DDX60L: variants seen among roughly 807,000 people sequenced by gnomAD.
DDX60L encodes the protein probable ATP-dependent RNA helicase DDX60-like.
DDX60L carries 191 observed loss-of-function variants against 211.6 expected under a neutral mutation model. The ratio of observed to expected loss-of-function variants is 0.90; its 90% CI spans 0.80 to 1.02. The LOEUF (loss-of-function observed/expected upper bound fraction) is 1.02, where lower values mean the gene tolerates loss of function less well. Ranked by LOEUF, DDX60L falls within the 50% of genes least tolerant of loss-of-function variation. The pLI, the probability that DDX60L is intolerant of heterozygous loss-of-function variation, is 0.00. For missense variants in DDX60L, 2,007 were observed against 1,984.1 expected (o/e 1.01, Z -0.22); for synonymous variants, 706 against 694.1 (o/e 1.02, Z -0.27).
intron 26 of DDX60L, among the ~76,000 whole-genome samples, chr4:168,396,342 C>T (rs897333489): frequency 2.6e-5 from 4 of 152,036 alleles, no homozygotes; most frequent in African/African-American, 9.7e-5. Context: ...TCTTCATTTT[C>T]TCTGCATAAT....
intron 32 of DDX60L, 39 bp downstream of exon 32, chr4:168,379,324 T>G (rs144816937): frequency 5.4e-6 from 8 of 1,479,186 alleles, no homozygotes; most frequent in Non-Finnish European, 7.2e-6. Flanking sequence ...AATAAATATG[T>G]TGCCATTTTT....
At chr4:168,448,867 GGAC>G in intron 8 of DDX60L, 88 bp from the exon 9 acceptor site, 1 of 1,169,926 alleles carries the variant, frequency 8.5e-7, no homozygotes, top group Non-Finnish European at 1.2e-6. Context: ...AGGTCACAAG[GGAC>G]ATTTCTGGGT....
At chr4:168,403,587 T>A (rs1747213199) in intron 25 of DDX60L, among the ~76,000 whole-genome samples, 1 of 152,194 alleles carries the variant, frequency 6.6e-6, no homozygotes, top group Non-Finnish European at 1.5e-5. Context: ...CTTAGTTTTC[T>A]TAGCTATAAA....
chr4:168,421,757 T>C lies in DDX60L; in HGVS notation c.2394+3A>G. On this transcript the variant is annotated splice_donor_region_variant and intron_variant, in intron 17 of 37. Transcript: ENST00000682922. The stretch of plus-strand genomic sequence containing the variant: ...GCAAAAATGAAAGTCATTCAAACAC[T>C]ACCTTTGCGGGTGCAACGTACACAA... 1 of 1,613,922 alleles carries C rather than the reference T, an allele frequency of 6.2e-7. No homozygotes were observed. The highest frequency in any genetic ancestry group is 8.5e-7 in the Non-Finnish European group (1 of 1,179,900).
At chr4:168,473,583 C>T (rs1329759062) in intron 1 of DDX60L, among the ~76,000 whole-genome samples, 1 of 152,072 alleles carries the variant, frequency 6.6e-6, no homozygotes, top group Non-Finnish European at 1.5e-5. Context: ...GGAGGATGGA[C>T]GATGGGGCTT....
intron 1 of DDX60L, among the ~76,000 whole-genome samples, chr4:168,474,490 G>A (rs1759225394): frequency 6.6e-6 from 1 of 152,026 alleles, no homozygotes; most frequent in Non-Finnish European, 1.5e-5. Flanking sequence ...TTAGAAGTCA[G>A]AAGAGAACTT....
At position 168,366,582 on chromosome 4, in the gene DDX60L, A is replaced by G. The variant is rs550244356; in HGVS notation, c.4928+5030T>C. Among the ~76,000 whole-genome samples the G allele has an allele frequency of 3.3e-5, 5 of 151,776 alleles. No individual in the cohort carries two copies. The East Asian group carries it at 9.7e-4, about 29-fold the overall frequency. ...CAAAATGATCTATAAATTTAATACA[A>G]TCTCCATTAAAATACCAATGACATT... is the stretch of plus-strand genomic sequence containing the variant. On this transcript the variant is annotated intron_variant, in intron 36 of 37. Coordinates refer to ENST00000682922, the MANE Select transcript of DDX60L (RefSeq NM_001012967.3).
Position 168,464,374 on chromosome 4 carries a change from C to T in DDX60L, c.265-2334G>A, listed in dbSNP as rs1256004740. On this transcript the variant is annotated intron_variant, in intron 4 of 37. Coordinates refer to ENST00000682922, the MANE Select transcript of DDX60L (RefSeq NM_001012967.3). Reference sequence around the variant, plus strand: ...AAATCAATAACACATCTAGAAAAAACAAGAATTTATACATTAAAACAATAG... The same window carrying T: ...AAATCAATAACACATCTAGAAAAAATAAGAATTTATACATTAAAACAATAG... Among the ~76,000 whole-genome samples, 7 of 150,484 alleles carry T rather than the reference C, an allele frequency of 4.7e-5. 2 individuals carry two copies. The highest frequency in any genetic ancestry group is 4.6e-4 in the Admixed American group (7 of 15,108).
intron 29 of DDX60L, among the ~76,000 whole-genome samples, chr4:168,391,094 A>T (rs1744732989): frequency 6.6e-6 from 1 of 152,192 alleles, no homozygotes; most frequent in South Asian, 2.1e-4. Context: ...AACCTACCTA[A>T]TTTAAATGAC....
intron 14 of DDX60L, among the ~76,000 whole-genome samples, chr4:168,424,678 C>T (rs969794088): frequency 1.3e-5 from 2 of 152,040 alleles, no homozygotes; most frequent in East Asian, 1.9e-4. Flanking sequence ...GAGGACTCCA[C>T]AAGAGGATGG....
At position 168,420,674 on chromosome 4, in the gene DDX60L, TAGATAGATAGACAGACAGAC is replaced by T. The variant is rs1374662342; in HGVS notation, c.2395-314_2395-295del. ...ATAGATAGATAGATAGATAGATAGATAGATAGATAGACAGACAGACAGACAGACAGATATTACATATCATG... is the reference window on the plus strand; with the variant it reads ...ATAGATAGATAGATAGATAGATAGATAGACAGACAGATATTACATATCATG... On this transcript the variant is annotated intron_variant, in intron 17 of 37. Coordinates refer to ENST00000682922, the MANE Select transcript of DDX60L (RefSeq NM_001012967.3). Among the ~76,000 whole-genome samples, 277 of 135,580 alleles carry T rather than the reference TAGATAGATAGACAGACAGAC, an allele frequency of 2.0e-3. 1 individual carries two copies. Among genetic ancestry groups the T allele is most frequent in the African/African-American group, 3.1e-3 (112 of 35,560 alleles). The allele number at this position is 135,580 out of a possible 152,430, so 88.9% of individuals were successfully genotyped here. A position where few individuals can be genotyped will look rare whatever the true frequency, so the allele number is the denominator to read the frequency against.
intron 4 of DDX60L, among the ~76,000 whole-genome samples, chr4:168,468,068 G>A (rs1758254682): frequency 1.3e-5 from 2 of 152,170 alleles, no homozygotes; most frequent in Admixed American, 6.5e-5. Context: ...ACAGGAGGCT[G>A]AGATAGAAGA....
At chr4:168,435,628 C>T (rs954712941) in intron 10 of DDX60L, among the ~76,000 whole-genome samples, 18 of 152,132 alleles carry the variant, frequency 1.2e-4, no homozygotes, top group African/African-American at 4.3e-4. Context: ...TTTCTCCATT[C>T]CTGTTAATAA....
chr4:168,366,217 C>A (rs957800868), intron 36 of DDX60L, among the ~76,000 whole-genome samples: 1 of 152,020 alleles, frequency 6.6e-6, no homozygotes, highest in Non-Finnish European at 1.5e-5. Flanking sequence ...TGTTTTCAGA[C>A]AAGATCTTAT....
intron 36 of DDX60L, among the ~76,000 whole-genome samples, chr4:168,369,202 C>T (rs1035424736): frequency 3.3e-5 from 5 of 152,036 alleles, no homozygotes; most frequent in East Asian, 1.9e-4. Flanking sequence ...GGGAGGAACC[C>T]GGTGCGAGGT....
At chr4:168,402,295 G>A (rs1458492673) in intron 25 of DDX60L, among the ~76,000 whole-genome samples, 1 of 151,846 alleles carries the variant, frequency 6.6e-6, no homozygotes, top group Non-Finnish European at 1.5e-5. Flanking sequence ...CATACTACTG[G>A]TTGCAAACAG....
chr4:168,402,069 A>AGTAACTGG (rs926713429), intron 25 of DDX60L, among the ~76,000 whole-genome samples: 1 of 151,076 alleles, frequency 6.6e-6, no homozygotes, highest in Admixed American at 6.6e-5. Flanking sequence ...CACATAGCCT[A>AGTAACTGG]GTAACTGGTC....
At chr4:168,456,192 G>T (rs747548509) in intron 6 of DDX60L, 40 bp from the exon 7 acceptor site, 2 of 1,284,686 alleles carry the variant, frequency 1.6e-6, no homozygotes, top group Admixed American at 2.9e-5. Flanking sequence ...AAATTATTTA[G>T]AAATATTCTT....
At chr4:168,372,262 G>A (rs1420873962) in intron 35 of DDX60L, among the ~76,000 whole-genome samples, 1 of 152,114 alleles carries the variant, frequency 6.6e-6, no homozygotes, top group Non-Finnish European at 1.5e-5. Context: ...AAAAGTGGCA[G>A]AGGAGGAGGC....
Sources: gnomAD v4.1 joint callset for allele counts (sites outside exome capture counted in the v4.1 genomes callset) on GRCh38, gnomAD v4.1.1 for gene constraint, MANE v1.5 for transcripts, NCBI Gene and HGNC (gene_info 2026-07-23, HGNC 2026-07-21) for gene names.